The following KMT2D variants were observed in gnomAD, a reference collection of about 807,000 sequenced individuals.
KMT2D encodes histone-lysine N-methyltransferase 2D.
A neutral mutation model predicts 512.7 loss-of-function variants in KMT2D; 55 were observed. The ratio of observed to expected loss-of-function variants is 0.11; its 90% CI spans 0.09 to 0.13. The LOEUF (loss-of-function observed/expected upper bound fraction) is 0.13, where lower values mean the gene tolerates loss of function less well. KMT2D is among the 10% of genes least tolerant of loss of function. KMT2D has a pLI of 1.00. For missense variants in KMT2D, 6,061 were observed against 7,127.9 expected (o/e 0.85, Z 5.39); for synonymous variants, 2,995 against 2,904.0 (o/e 1.03, Z -1.01).
At position 49,026,038 on chromosome 12, in the gene KMT2D, T is replaced by A. The variant is rs1942563911; in HGVS notation, c.15784+144A>T. The A allele has an allele frequency of 1.3e-6, 1 of 745,242 alleles. No homozygotes were observed. The highest frequency in any genetic ancestry group is 2.1e-6 in the Non-Finnish European group (1 of 477,870). 46.2% of individuals were successfully genotyped at this position (745,242 alleles called of 1,614,324 possible). ...GCTCAAACACTTTCACTGGGAGTTT[T>A]CAAGAGACCCCCTGCCTGCCTGAGG... On this transcript the variant is annotated intron_variant, in intron 49 of 54. Transcript: ENST00000301067. The surrounding 1 kb of genome is among the most constrained non-coding windows in gnomAD (Gnocchi z 9.6).
In KMT2D at chr12:49,039,616, C is replaced by T. The variant is rs2120513628; in HGVS notation, c.8048G>A (p.Arg2683His). 1 of 1,605,176 alleles carries T rather than the reference C, an allele frequency of 6.2e-7. No individual in the cohort carries two copies. The change falls in exon 33 of 55, where the codon CGC becomes CAC. Residue 2683 changes from arginine (R) to histidine (H), a missense_variant and splice_region_variant. Coordinates refer to ENST00000301067, the MANE Select transcript of KMT2D (RefSeq NM_003482.4). The surrounding 1 kb of genome is among the most constrained non-coding windows in gnomAD (Gnocchi z 5.0). ...SQTELEKQRQ[R>H]QRLRELLIRQ... The stretch of plus-strand genomic sequence containing the variant: ...AATCAGCAGCTCTCGTAGTCGCTGG[C>T]GCTATGCAAAAAAAAGAGAAGAGGA...
At position 49,034,825 on chromosome 12, in the gene KMT2D, G is replaced by A. The variant is rs752712305; in HGVS notation, c.10342C>T (p.Pro3448Ser). 11 of 1,613,956 alleles carry A rather than the reference G, an allele frequency of 6.8e-6. No individual in the cohort carries two copies. The Middle Eastern group carries it at 5.0e-4, about 73-fold the overall frequency. The change falls in exon 36 of 55, where the codon CCT becomes TCT. Residue 3448 changes from proline (P) to serine (S), a missense_variant. By Grantham distance (74) the Pro-to-Ser change is moderately conservative. Around this residue, in one of 16 missense-constraint regions of KMT2D, gnomAD observed 533 missense variants for 539.6 expected, o/e 0.99. Transcript: ENST00000301067. ...CCTGAGTCTTACCTGTTCATACCAG[G>A]TGCCACCCCAATGCTGCCCTGAGCC... ...VMAQGSIGVA[P>S]GMNRQQVSLL... is the part of the protein sequence containing the mutation.
Position 49,019,851 on chromosome 12 carries a change from CA to C in KMT2D, c.*1928del, listed in dbSNP as rs1252273531. On this transcript the variant is annotated 3_prime_UTR_variant, in exon 55 of 55. Transcript: ENST00000301067. ...AATCCACAACCCCCCAAATTCAAAA[CA>C]AAACAAAAACAAACCTAAAATCACA... is the stretch of plus-strand genomic sequence containing the variant. 3 of 203,192 alleles carry C rather than the reference CA, an allele frequency of 1.5e-5. No homozygotes were observed. The highest frequency in any genetic ancestry group is 7.1e-5 in the African/African-American group (3 of 42,188). The allele number at this position is 203,192 out of a possible 1,614,324, so 12.6% of individuals were successfully genotyped here. A position where few individuals can be genotyped will look rare whatever the true frequency, so the allele number is the denominator to read the frequency against.
rs745985095 is a variant in KMT2D, at chr12:49,037,731, G to C, written c.9625C>G (p.Leu3209Val). 1.3e-6 allele frequency: 2 copies of C among 1,588,958 alleles called. No homozygotes were observed. Among genetic ancestry groups the C allele is most frequent in the Non-Finnish European group, 1.7e-6 (2 of 1,167,506 alleles). ...CTCTCGAGCTCAAACTTTTCCAGCA[G>C]GGAGGATCCTCCTGGGCCACTCAGT... ...SPLSGPGGSS[L>V]LEKFELESGA... The change falls in exon 35 of 55, where the codon CTG becomes GTG. Residue 3209 changes from leucine (L) to valine (V), a missense_variant. By Grantham distance (32) the Leu-to-Val change is conservative. This residue lies in a region of KMT2D where 533 missense variants were observed against 539.6 expected (regional missense o/e 0.99). Transcript: ENST00000301067.
chr12:49,039,932 G>A lies in KMT2D; in HGVS notation c.7838C>T (p.Pro2613Leu), dbSNP rs751270731. The change falls in exon 32 of 55, where the codon CCG becomes CTG. Residue 2613 changes from proline to leucine, a missense_variant. Transcript: ENST00000301067. This position sits in a 1 kb window ranked among gnomAD's most constrained non-coding sequence, Gnocchi z 5.0. ...ESYGLSPLRP[P>L]SVLPPPAPDG... Reference sequence around the variant, plus strand: ...GGGTGCAGGTGGTGGCAGAACCGACGGAGGGCGTAGTGGGGACAGCCCATA... The same window carrying A: ...GGGTGCAGGTGGTGGCAGAACCGACAGAGGGCGTAGTGGGGACAGCCCATA... The A allele has an allele frequency of 8.1e-6, 13 of 1,613,852 alleles. No individual in the cohort carries two copies. The highest frequency in any genetic ancestry group is 2.7e-5 in the African/African-American group (2 of 74,952).
rs1266358348 is a variant in KMT2D, at chr12:49,054,819, T to A, written c.177-68A>T. 6.2e-7 allele frequency: 1 copy of A among 1,604,890 alleles called. No homozygotes were observed. Among genetic ancestry groups the A allele is most frequent in the African/African-American group, 1.3e-5 (1 of 74,696 alleles). ...ACCCCATGATCTGGCATGCCCATGCTTCCCCAACACTCATTTTCCTAAATT... is the reference window on the plus strand; with the variant it reads ...ACCCCATGATCTGGCATGCCCATGCATCCCCAACACTCATTTTCCTAAATT... On this transcript the variant is annotated intron_variant, in intron 3 of 54. Coordinates refer to ENST00000301067, the MANE Select transcript of KMT2D (RefSeq NM_003482.4). This position sits in a 1 kb window ranked among gnomAD's most constrained non-coding sequence, Gnocchi z 6.4.
Position 49,042,161 on chromosome 12 carries a change from C to T in KMT2D, c.6037G>A (p.Gly2013Ser). The T allele has an allele frequency of 6.2e-7, 1 of 1,612,878 alleles. No homozygotes were observed. The highest frequency in any genetic ancestry group is 8.5e-7 in the Non-Finnish European group (1 of 1,179,506). The change falls in exon 29 of 55, where the codon GGC becomes AGC. Residue 2013 changes from glycine to serine, a missense_variant. Gly to Ser is a moderately conservative substitution (Grantham distance 56, BLOSUM62 0). Transcript: ENST00000301067. This position sits in a 1 kb window ranked among gnomAD's most constrained non-coding sequence, Gnocchi z 4.4. ...ACAGGTGAGATGGTGGACAGCTGGC[C>T]CAACTCCTCATCCTTCTCCCAGCGC... ...LQRWEKDEEL[G>S]QLSTISPVLY...
At chr12:49,047,652 TC>T (rs1937638606) in intron 15 of KMT2D, among the ~76,000 whole-genome samples, 1 of 151,956 alleles carries the variant, frequency 6.6e-6, no homozygotes, top group Non-Finnish European at 1.5e-5. Flanking sequence ...ACTCCTAATC[TC>T]AGGTGATCCA....
intron 15 of KMT2D, 146 bp downstream of exon 15, chr12:49,047,819 C>T (rs1937645748): frequency 3.4e-6 from 2 of 585,264 alleles, no homozygotes; most frequent in Admixed American, 2.6e-5. Context: ...GTACTTTTCC[C>T]CAAGAAAAGT....
At position 49,055,357 on chromosome 12, in the gene KMT2D, G is replaced by A. The variant is rs762844218; in HGVS notation, c.-33C>T. 1 of 1,602,128 alleles carries A rather than the reference G, an allele frequency of 6.2e-7. No individual in the cohort carries two copies. The highest frequency in any genetic ancestry group is 8.5e-7 in the Non-Finnish European group (1 of 1,172,568). The stretch of plus-strand genomic sequence containing the variant: ...TCCGACTGGGCAGGGCCCTCTCGGG[G>A]AGACCTGTTGGTGCCAAGAAAGAGA... On this transcript the variant is annotated 5_prime_UTR_variant, in exon 2 of 55. Transcript: ENST00000301067.
intron 19 of KMT2D, 61 bp from the exon 20 acceptor site, chr12:49,045,026 A>C: frequency 1.3e-6 from 2 of 1,489,780 alleles, no homozygotes; most frequent in Non-Finnish European, 1.9e-6. Flanking sequence ...CCAGAACTGC[A>C]AGTTTCAACC....
At position 49,032,726 on chromosome 12, in the gene KMT2D, C is replaced by G; in HGVS notation, c.11979G>C (p.Gln3993His). The G allele has an allele frequency of 6.2e-7, 1 of 1,605,964 alleles. No individual in the cohort carries two copies. ...GCATGCCAGGGCCAAGTGCCACTTG[C>G]TGCTGCTGTTGTTGCTGAGGAGACA... ...TLLSPQQQQQ[Q>H]QVALGPGMPA... The change falls in exon 40 of 55, where the codon CAG becomes CAC. Residue 3993 changes from glutamine to histidine, a missense_variant. Gln to His is a conservative substitution (Grantham distance 24). This residue lies in a region of KMT2D where 1,600 missense variants were observed against 1,754.9 expected (regional missense o/e 0.91). Transcript: ENST00000301067.
At chr12:49,035,012 C>T in intron 35 of KMT2D, 77 bp from the exon 36 acceptor site, 1 of 1,565,244 alleles carries the variant, frequency 6.4e-7, no homozygotes, top group Non-Finnish European at 8.7e-7. Context: ...CTTCAACATC[C>T]TGACTTCAAC....
In KMT2D at chr12:49,050,401, C is replaced by T. The variant is rs1937882991; in HGVS notation, c.3187G>A (p.Gly1063Arg). 6.2e-7 allele frequency: 1 copy of T among 1,613,634 alleles called. No individual in the cohort carries two copies. The part of the protein sequence containing the change: ...SPLSPIGKVV[G>R]VSDEAELHEM... ...TGCAGCTCAGCCTCATCTGAGACCC[C>T]CACTACCTTCCCTATGGGACTCAAC... Residue 1063 changes from glycine (G) to arginine (R), a missense_variant, in exon 12 of 55, where the codon GGG becomes AGG. Around this residue, in one of 16 missense-constraint regions of KMT2D, gnomAD observed 447 missense variants for 500.1 expected, o/e 0.89. Coordinates refer to ENST00000301067, the MANE Select transcript of KMT2D (RefSeq NM_003482.4).
chr12:49,023,347 C>T (rs1372595706), intron 51 of KMT2D, among the ~76,000 whole-genome samples: 5 of 152,176 alleles, frequency 3.3e-5, no homozygotes, highest in Admixed American at 6.5e-5. Flanking sequence ...GTGCCTACCA[C>T]GCTGGGCTAG....
rs748269836 is a variant in KMT2D, at chr12:49,029,225, T to C, written c.14087A>G (p.Asp4696Gly). Residue 4696 changes from aspartate to glycine, a missense_variant, in exon 45 of 55, where the codon GAT becomes GGT. Transcript: ENST00000301067. Reference sequence around the variant, plus strand: ...GCTGTCAGGAGAATCGCTATCCTCATCACTCTCCATCCTGGGGACCAAAAG... The same window carrying C: ...GCTGTCAGGAGAATCGCTATCCTCACCACTCTCCATCCTGGGGACCAAAAG... ...NQTEDVRMES[D>G]EDSDSPDSIV... 3.1e-6 allele frequency: 5 copies of C among 1,612,064 alleles called. No individual in the cohort carries two copies. In the Admixed American group the frequency reaches 8.3e-5, roughly 27 times the overall value.
At chr12:49,035,152 G>T (rs142183910) in intron 35 of KMT2D, among the ~76,000 whole-genome samples, 2 of 152,234 alleles carry the variant, frequency 1.3e-5, no homozygotes, top group African/African-American at 4.8e-5. Context: ...TACAAAAAGG[G>T]GCTCCGTAAA....
In KMT2D at chr12:49,048,750, G is replaced by A. The variant is rs2120626185; in HGVS notation, c.4040C>T (p.Ser1347Phe). 2 of 1,609,216 alleles carry A rather than the reference G, an allele frequency of 1.2e-6. No homozygotes were observed. The highest frequency in any genetic ancestry group is 2.2e-5 in the South Asian group (2 of 90,924). ...ETLVVADIDS[S>F]PSKEEEEEDD... ...TTCTTCCTCCTCCTCCTTACTGGGA[G>A]AGCTATCAATGTCAGCAACCTGATG... The change falls in exon 14 of 55, where the codon TCT (serine) becomes TTT (phenylalanine). Residue 1347 changes from serine to phenylalanine, a missense_variant. By Grantham distance (155) the Ser-to-Phe change is radical. Transcript: ENST00000301067.
At chr12:49,047,120 G>C (rs780246761) in intron 15 of KMT2D, among the ~76,000 whole-genome samples, 30 of 152,026 alleles carry the variant, frequency 2.0e-4, no homozygotes, top group Non-Finnish European at 3.8e-4. Flanking sequence ...TAAAGTGCTG[G>C]GATTACAGGT....
Sources: gnomAD v4.1 joint callset for allele counts (sites outside exome capture counted in the v4.1 genomes callset) on GRCh38, gnomAD v4.1.1 for gene constraint, gnomAD v4.1.1 regional missense constraint, Gnocchi (gnomAD v3.1) non-coding constraint, MANE v1.5 for transcripts, NCBI Gene and HGNC (gene_info 2026-07-23, HGNC 2026-07-21) for gene names.